DAB1: variants seen among roughly 807,000 people sequenced by gnomAD.
The protein encoded by DAB1 is disabled homolog 1.
A neutral mutation model predicts 64.6 loss-of-function variants in DAB1; 15 were observed. The observed-to-expected ratio is 0.23, with a 90% CI of 0.16 to 0.36. The LOEUF (loss-of-function observed/expected upper bound fraction) is 0.36, where lower values mean the gene tolerates loss of function less well. Among genes scored for constraint, DAB1 ranks in the 10% least tolerant of loss-of-function variants. The pLI, the probability that DAB1 is intolerant of heterozygous loss-of-function variation, is 1.00. For missense variants in DAB1, 596 were observed against 706.7 expected (o/e 0.84, Z 1.78); for synonymous variants, 235 against 251.9 (o/e 0.93, Z 0.64).
chr1:57,874,411 T>C (rs909032216), intron 1 of DAB1: 1 of 152,120 alleles, frequency 6.6e-6, no homozygotes, highest in African/African-American at 2.4e-5. Context: ...AAGGAAAACC[T>C]TGAAGAATGA....
At position 58,261,526 on chromosome 1, in the gene DAB1, G is replaced by A. The variant is rs116572610; in HGVS notation, n.309+81826C>T. On this transcript the variant is annotated intron_variant and non_coding_transcript_variant, in intron 4 of 20. Coordinates refer to the DAB1 transcript ENST00000485760. ...AGAAGGAAAATGGATCTGAGTGAGC[G>A]TGCCTAGTTATTGTTTCCAAATTCA... 4.7e-3 allele frequency among the ~76,000 whole-genome samples: 716 copies of A among 152,156 alleles called. 8 individuals are homozygous for A. The highest frequency in any genetic ancestry group is 0.016 in the African/African-American group (683 of 41,520).
At chr1:57,807,501 A>G (rs1348375103) in intron 6 of DAB1, among the ~76,000 whole-genome samples, 1 of 152,172 alleles carries the variant, frequency 6.6e-6, no homozygotes, top group African/African-American at 2.4e-5. Context: ...TGTCATCAAG[A>G]TTTTGGTTAA....
At chr1:57,669,019 T>C (rs746897626) in intron 6 of DAB1, among the ~76,000 whole-genome samples, 2 of 152,160 alleles carry the variant, frequency 1.3e-5, no homozygotes, top group Non-Finnish European at 2.9e-5. Context: ...ATGTTTATGA[T>C]TGCATTGCTT....
intron 5 of DAB1, among the ~76,000 whole-genome samples, chr1:58,092,827 G>A (rs939611810): frequency 4.6e-5 from 7 of 152,080 alleles, no homozygotes; most frequent in East Asian, 1.9e-4. Context: ...GCCATCCACC[G>A]TGCCATTCCT....
chr1:57,872,394 A>C (rs1219791273), intron 1 of DAB1, among the ~76,000 whole-genome samples: 1 of 152,198 alleles, frequency 6.6e-6, no homozygotes, highest in Non-Finnish European at 1.5e-5. Context: ...TATATCTATG[A>C]ACCAGGAAGT....
intron 6 of DAB1, among the ~76,000 whole-genome samples, chr1:57,674,717 G>A (rs1269083586): frequency 6.6e-6 from 1 of 151,980 alleles, no homozygotes; most frequent in East Asian, 1.9e-4. Flanking sequence ...TACTATTTCG[G>A]CCTCTGTCTT....
intron 5 of DAB1, among the ~76,000 whole-genome samples, chr1:57,961,638 A>G (rs1171162680): frequency 6.6e-6 from 1 of 152,154 alleles, no homozygotes; most frequent in Non-Finnish European, 1.5e-5. Context: ...TCTTTTTTCT[A>G]AAAAGTTAGT....
chr1:58,383,976 A>G (rs1313008950), intron 3 of DAB1, among the ~76,000 whole-genome samples: 1 of 151,952 alleles, frequency 6.6e-6, no homozygotes, highest in Non-Finnish European at 1.5e-5. Flanking sequence ...TAGCAGCTGC[A>G]CTATTTTTAC....
chr1:58,363,414 T>C (rs12755833), intron 3 of DAB1, among the ~76,000 whole-genome samples: 13,192 of 152,226 alleles, frequency 0.087, 688 homozygotes, highest in Middle Eastern at 0.15. Context: ...GCAAGAAATA[T>C]GTGAAGCTGC....
intron 5 of DAB1, among the ~76,000 whole-genome samples, chr1:58,128,438 G>T (rs1395065068): frequency 1.5e-5 from 2 of 133,826 alleles, no homozygotes; most frequent in Non-Finnish European, 3.1e-5. Flanking sequence ...TTTCCTAATT[G>T]AATACCCTTT....
At chr1:57,787,817 T>C (rs1366349075) in intron 6 of DAB1, among the ~76,000 whole-genome samples, 6 of 150,938 alleles carry the variant, frequency 4.0e-5, no homozygotes, top group Non-Finnish European at 8.8e-5. Context: ...TTCCTAAAAC[T>C]CAATAAGACA....
intron 7 of DAB1, among the ~76,000 whole-genome samples, chr1:57,434,452 G>A (rs1685617082): frequency 6.6e-6 from 1 of 152,248 alleles, no homozygotes; most frequent in Non-Finnish European, 1.5e-5. Flanking sequence ...ATCTACAAGT[G>A]AAAGTTGGAA....
rs1322302216 is a variant in DAB1 at position 58,300,639 on chromosome 1, AGAGAGAGAGGAAGGAAGGAAGG to A, written n.309+42691_309+42712del. ...GAGAGAGAGAGAGAGAGAGAGAGAG[AGAGAGAGAGGAAGGAAGGAAGG>A]AAGGAAGGAAGGAAGGAAGGAAGGA... On this transcript the variant is annotated intron_variant and non_coding_transcript_variant, in intron 4 of 20. Transcript: ENST00000485760. Among the ~76,000 whole-genome samples the A allele has an allele frequency of 2.0e-4, 12 of 59,740 alleles. No homozygotes were observed. In the East Asian group the frequency reaches 4.2e-3, roughly 21 times the overall value. 39.2% of individuals were successfully genotyped at this position (59,740 alleles called of 152,430 possible). A position where few individuals can be genotyped will look rare whatever the true frequency, so the allele number is the denominator to read the frequency against.
intron 7 of DAB1, among the ~76,000 whole-genome samples, chr1:57,465,795 T>C (rs1686936569): frequency 6.6e-6 from 1 of 152,186 alleles, no homozygotes; most frequent in Non-Finnish European, 1.5e-5. Context: ...CTTTCTGTTA[T>C]CTAGGATTCC....
chr1:58,533,843 A>G (rs1223050058), intron 1 of DAB1: 13 of 719,176 alleles, frequency 1.8e-5, no homozygotes, highest in Non-Finnish European at 3.3e-5. Flanking sequence ...ACCCAAAACT[A>G]AAAGTCTATC....
intron 2 of DAB1, among the ~76,000 whole-genome samples, chr1:58,521,424 T>C (rs551910413): frequency 6.8e-6 from 1 of 148,036 alleles, no homozygotes; most frequent in African/African-American, 2.5e-5. Context: ...CAGAATAAAA[T>C]AATGAAAAAA....
At chr1:57,165,552 A>G (rs922782734) in intron 2 of DAB1, among the ~76,000 whole-genome samples, 6 of 152,246 alleles carry the variant, frequency 3.9e-5, no homozygotes, top group Non-Finnish European at 8.8e-5. Flanking sequence ...GCTGCCATTT[A>G]TTAAACATCT....
At chr1:58,406,827 G>A (rs992128766) in intron 3 of DAB1, among the ~76,000 whole-genome samples, 2 of 152,004 alleles carry the variant, frequency 1.3e-5, no homozygotes, top group Non-Finnish European at 2.9e-5. Context: ...TTGGGAGTGG[G>A]AAGCTTGACT....
chr1:57,123,269 G>C (rs1396958277), intron 4 of DAB1, among the ~76,000 whole-genome samples: 1 of 152,052 alleles, frequency 6.6e-6, no homozygotes, highest in East Asian at 1.9e-4. Context: ...TCCAACTTCA[G>C]TCAATTCTTA....
Sources: allele counts gnomAD v4.1 joint callset (sites outside exome capture counted in the v4.1 genomes callset), GRCh38; gene constraint gnomAD v4.1.1; transcripts MANE v1.5; gene names NCBI Gene and HGNC (gene_info 2026-07-23, HGNC 2026-07-21).